Variants in SYTL5 observed in about 807,000 individuals in gnomAD.
The protein encoded by SYTL5 is synaptotagmin-like protein 5.
In SYTL5, 34 loss-of-function variants were observed where a neutral mutation model predicts 55.9. The ratio of observed to expected loss-of-function variants is 0.61; its 90% CI spans 0.46 to 0.81. The LOEUF (loss-of-function observed/expected upper bound fraction) is 0.81. SYTL5 is among the 30% of genes least tolerant of loss of function. The probability of loss-of-function intolerance (pLI) is 0.00; values close to 1 mark genes in which losing one functional copy is unlikely to be tolerated. For missense variants in SYTL5, 637 were observed against 546.7 expected (o/e 1.17, Z -1.65); for synonymous variants, 221 against 188.7 (o/e 1.17, Z -1.40).
the SYTL5 span, among the ~76,000 whole-genome samples, chrX:37,935,130 A>G: frequency 8.9e-6 from 1 of 112,204 alleles, no homozygotes; most frequent in Non-Finnish European, 1.9e-5. Flanking sequence ...AATCTCCAAT[A>G]AGATTAGCAG....
chrX:37,945,907 C>T, the SYTL5 span: 1 of 176,394 alleles, frequency 5.7e-6, no homozygotes. Context: ...AAAGTGCCAG[C>T]ATCTGTAGTT....
At chrX:38,108,754 G>A in intron 12 of SYTL5, 55 bp downstream of exon 12, 1 of 750,376 alleles carries the variant, frequency 1.3e-6, no homozygotes, top group Non-Finnish European at 2.0e-6. Flanking sequence ...AACTTCAATG[G>A]TTTAGAAGTA....
intron 13 of SYTL5, among the ~76,000 whole-genome samples, chrX:38,116,671 C>T (rs1443763389): frequency 8.9e-6 from 1 of 112,791 alleles, no homozygotes; most frequent in Non-Finnish European, 1.9e-5. Flanking sequence ...TTTAGTTCTT[C>T]TATTCAACTG....
At chrX:38,034,843 C>A (rs977961243) in intron 2 of SYTL5, among the ~76,000 whole-genome samples, 3 of 111,848 alleles carry the variant, frequency 2.7e-5, no homozygotes, top group Non-Finnish European at 5.6e-5. Context: ...TATATTTGGT[C>A]ATTACACCTT....
the SYTL5 span, chrX:37,991,307 A>G: frequency 3.8e-5 from 41 of 1,067,786 alleles, no homozygotes; most frequent in Non-Finnish European, 4.9e-5. Context: ...AAGGATGTAA[A>G]TCCATGAGTA....
chrX:37,931,080 C>T, the SYTL5 span, among the ~76,000 whole-genome samples: 8 of 111,743 alleles, frequency 7.2e-5, no homozygotes, highest in African/African-American at 9.7e-5. Context: ...AAAGAATTTA[C>T]GTCATTATTT....
chrX:38,078,871 G>A (rs1197288532), intron 6 of SYTL5, among the ~76,000 whole-genome samples: 1 of 112,396 alleles, frequency 8.9e-6, no homozygotes, highest in African/African-American at 3.2e-5. Context: ...ATCTTAAATT[G>A]TAAATACCTG....
intron 1 of SYTL5, among the ~76,000 whole-genome samples, chrX:38,011,721 G>A (rs1188714620): frequency 1.8e-5 from 2 of 111,338 alleles, no homozygotes; most frequent in Non-Finnish European, 3.8e-5. Flanking sequence ...GCTGCTGCCC[G>A]TGGGGATATT....
intron 9 of SYTL5, among the ~76,000 whole-genome samples, chrX:38,096,742 C>G (rs1397715919): frequency 9.0e-6 from 1 of 110,957 alleles, no homozygotes; most frequent in Non-Finnish European, 1.9e-5. Context: ...ATTCAGATTT[C>G]TGTAATTGCT....
the SYTL5 span, among the ~76,000 whole-genome samples, chrX:37,971,902 T>G: frequency 0.17 from 18,455 of 108,373 alleles, 2,653 homozygotes; most frequent in African/African-American, 0.46. Flanking sequence ...GTGTGCTGTT[T>G]GCGGGCAGGA....
chrX:37,968,786 T>C, the SYTL5 span, among the ~76,000 whole-genome samples: 2 of 112,062 alleles, frequency 1.8e-5, no homozygotes, highest in Non-Finnish European at 3.8e-5. Flanking sequence ...TTAGTGATTG[T>C]TCAGTAATGA....
Position 38,126,580 on chromosome X carries a change from C to T in SYTL5, c.2051-8C>T. The T allele has an allele frequency of 8.3e-7, 1 of 1,210,288 alleles. No homozygotes were observed. Among genetic ancestry groups the T allele is most frequent in the African/African-American group, 1.7e-5 (1 of 57,801 alleles). On this transcript the variant is annotated splice_polypyrimidine_tract_variant and splice_region_variant and intron_variant, in intron 16 of 16. Transcript: ENST00000297875. Reference sequence around the variant, plus strand: ...GTGACATAAAATTTTCCCGTTTCGCCTCTTCAGGTGTGAGCCATGGGAAGA... The same window carrying T: ...GTGACATAAAATTTTCCCGTTTCGCTTCTTCAGGTGTGAGCCATGGGAAGA...
chrX:37,898,022 C>T, the SYTL5 span, among the ~76,000 whole-genome samples: 1 of 111,182 alleles, frequency 9.0e-6, no homozygotes, highest in Non-Finnish European at 1.9e-5. Flanking sequence ...TGCTTGAACC[C>T]GGGAGGCGGA....
chrX:38,078,210 A>G (rs1936437110), intron 6 of SYTL5, among the ~76,000 whole-genome samples: 1 of 111,053 alleles, frequency 9.0e-6, no homozygotes, highest in Non-Finnish European at 1.9e-5. Context: ...GCTAGCATTT[A>G]AGAAAGGCAA....
the SYTL5 span, among the ~76,000 whole-genome samples, chrX:37,925,365 G>T: frequency 9.0e-6 from 1 of 111,069 alleles, no homozygotes; most frequent in Non-Finnish European, 1.9e-5. Flanking sequence ...ATGTCGTTTT[G>T]ATATACAGAT....
At chrX:37,903,656 A>T in the SYTL5 span, among the ~76,000 whole-genome samples, 10 of 110,644 alleles carry the variant, frequency 9.0e-5, no homozygotes, top group Non-Finnish European at 1.9e-4. Context: ...CATATGTAAC[A>T]AACCTGCACG....
chrX:37,899,939 G>C, the SYTL5 span, among the ~76,000 whole-genome samples: 2 of 112,169 alleles, frequency 1.8e-5, no homozygotes, highest in African/African-American at 6.5e-5. Flanking sequence ...ACACTTCAGA[G>C]AGAATTTATA....
chrX:38,012,896 A>C (rs1934232499), intron 1 of SYTL5, among the ~76,000 whole-genome samples: 1 of 112,186 alleles, frequency 8.9e-6, no homozygotes, highest in South Asian at 3.7e-4. Context: ...GTGGCCACAA[A>C]CAAATGTATA....
At chrX:37,908,393 C>T in the SYTL5 span, among the ~76,000 whole-genome samples, 2 of 111,769 alleles carry the variant, frequency 1.8e-5, no homozygotes, top group Admixed American at 9.5e-5. Context: ...ACTTTTATCT[C>T]ATTGGCAATA....
Sources: allele counts gnomAD v4.1 joint callset (sites outside exome capture counted in the v4.1 genomes callset), GRCh38; gene constraint gnomAD v4.1.1; transcripts MANE v1.5; gene names NCBI Gene and HGNC (gene_info 2026-07-23, HGNC 2026-07-21).